The following CEPT1 variants were observed in gnomAD, a reference collection of about 807,000 sequenced individuals.
The protein encoded by CEPT1 is choline/ethanolaminephosphotransferase 1.
In CEPT1, 7 loss-of-function variants were observed where a neutral mutation model predicts 42.6. The observed-to-expected ratio is 0.16, with a 90% confidence interval of 0.09 to 0.31. CEPT1 has a LOEUF of 0.31. Ranked by LOEUF, CEPT1 falls within the 10% of genes least tolerant of loss-of-function variation. CEPT1 has a pLI of 1.00. For synonymous variants in CEPT1, 171 were observed against 171.9 expected (o/e 0.99, Z 0.04); for missense variants, 306 against 502.1 (o/e 0.61, Z 3.73).
At chr1:111,145,935 G>C (rs984835605) in intron 1 of CEPT1, among the ~76,000 whole-genome samples, 2 of 152,170 alleles carry the variant, frequency 1.3e-5, no homozygotes, top group African/African-American at 2.4e-5. Context: ...GGACAACTGA[G>C]CATGTTTTGA....
intron 3 of CEPT1, chr1:111,160,677 T>C (rs992917963): frequency 1.3e-5 from 2 of 153,044 alleles, no homozygotes; most frequent in Non-Finnish European, 2.9e-5. Context: ...ATTTTTGCGT[T>C]GTAGTTTGAG....
chr1:111,183,042 A>C (rs1451239133), intron 7 of CEPT1, 85 bp downstream of exon 7: 9 of 1,365,016 alleles, frequency 6.6e-6, no homozygotes, highest in Non-Finnish European at 9.1e-6. Flanking sequence ...CTGTAGCTTC[A>C]TAAATGGTCC....
At chr1:111,147,241 T>C (rs145528597) in intron 1 of CEPT1, among the ~76,000 whole-genome samples, 247 of 152,356 alleles carry the variant, frequency 1.6e-3, no homozygotes, top group African/African-American at 5.6e-3. Context: ...TTAAGACTCA[T>C]TGAAGTCATT....
At chr1:111,181,045 T>A (rs1013200662) in intron 5 of CEPT1, 1 of 152,122 alleles carries the variant, frequency 6.6e-6, no homozygotes, top group Non-Finnish European at 1.5e-5. Context: ...ATGCCTGTAA[T>A]CCCAGCTACT....
chr1:111,160,355 T>G (rs185308726), intron 3 of CEPT1: 1 of 152,372 alleles, frequency 6.6e-6, no homozygotes, highest in East Asian at 1.9e-4. Flanking sequence ...TTCTCAATTA[T>G]TTTCTTGTTT....
At chr1:111,181,902 T>C (rs1436493540) in intron 5 of CEPT1, 3 of 211,872 alleles carry the variant, frequency 1.4e-5, no homozygotes, top group African/African-American at 2.4e-5. Flanking sequence ...TGGGATGCAT[T>C]AGGTGAATCT....
At chr1:111,146,793 T>C (rs1654990707) in intron 1 of CEPT1, among the ~76,000 whole-genome samples, 1 of 152,210 alleles carries the variant, frequency 6.6e-6, no homozygotes, top group African/African-American at 2.4e-5. Context: ...AACCCACTTT[T>C]ACTTTTTTTC....
At chr1:111,173,724 T>C (rs1360554170) in intron 4 of CEPT1, among the ~76,000 whole-genome samples, 1 of 152,220 alleles carries the variant, frequency 6.6e-6, no homozygotes, top group East Asian at 1.9e-4. Context: ...GTAATGTGTC[T>C]TTCCAGAAAT....
At chr1:111,174,856 T>TG (rs754463006) in intron 4 of CEPT1, 23 bp from the exon 5 acceptor site, 1 of 1,484,178 alleles carries the variant, frequency 6.7e-7, no homozygotes, top group Admixed American at 1.7e-5. Context: ...ATTCTGCTCT[T>TG]TTGGCTTTTT....
chr1:111,155,924 A>T (rs564031715), intron 2 of CEPT1, among the ~76,000 whole-genome samples: 11 of 151,914 alleles, frequency 7.2e-5, no homozygotes, highest in Admixed American at 2.0e-4. Flanking sequence ...TTTAGCTCTG[A>T]TCTTTATTTC....
At chr1:111,173,610 T>G (rs1004164805) in intron 4 of CEPT1, among the ~76,000 whole-genome samples, 1 of 152,176 alleles carries the variant, frequency 6.6e-6, no homozygotes, top group Non-Finnish European at 1.5e-5. Flanking sequence ...GTTGAAAAAC[T>G]AGCATTATAA....
intron 2 of CEPT1, among the ~76,000 whole-genome samples, chr1:111,154,815 CT>C (rs1308314888): frequency 4.6e-5 from 7 of 152,148 alleles, no homozygotes; most frequent in Admixed American, 2.0e-4. Flanking sequence ...TTGGACCATC[CT>C]TGCATCCCTG....
chr1:111,171,750 A>G lies in CEPT1; in HGVS notation c.630-3129A>G, dbSNP rs61334990. ...GAAATAGGAAATTATTTATTTATTT[A>G]TTTTTGAGACAGAGTTTTGCTCTTG... On this transcript the variant is annotated intron_variant, in intron 4 of 8. Coordinates refer to ENST00000357172, the MANE Select transcript of CEPT1 (RefSeq NM_006090.5). 4.2e-3 allele frequency among the ~76,000 whole-genome samples: 633 copies of G among 152,298 alleles called. 7 individuals carry two copies. Among genetic ancestry groups the G allele is most frequent in the African/African-American group, 0.014 (600 of 41,562 alleles).
rs772504965 is a variant in CEPT1, at chr1:111,184,371, G to A, written c.*61G>A. On this transcript the variant is annotated 3_prime_UTR_variant, in exon 9 of 9. Transcript: ENST00000357172. ...GCAGGAAAGAAAGTAACATATTAAG[G>A]AGAATGGGGGTGGATAAGAACAAAT... is the stretch of plus-strand genomic sequence containing the variant. 1.8e-5 allele frequency: 24 copies of A among 1,303,554 alleles called. No individual in the cohort carries two copies. The highest frequency in any genetic ancestry group is 2.6e-5 in the Non-Finnish European group (24 of 925,896). The allele number at this position is 1,303,554 out of a possible 1,614,324, so 80.7% of individuals were successfully genotyped here.
chr1:111,164,020 GGTT>G (rs556169265), intron 4 of CEPT1, among the ~76,000 whole-genome samples: 126 of 152,046 alleles, frequency 8.3e-4, no homozygotes, highest in African/African-American at 3.0e-3. Context: ...TTATAATTTA[GGTT>G]GTTATACTTT....
chr1:111,161,025 C>A, intron 3 of CEPT1, 130 bp from the exon 4 acceptor site: 2 of 868,008 alleles, frequency 2.3e-6, no homozygotes, highest in South Asian at 1.5e-5. Context: ...TCCTACTTTT[C>A]TGTTACAATA....
chr1:111,178,951 AC>A (rs988314079), intron 5 of CEPT1: 15 of 152,206 alleles, frequency 9.9e-5, no homozygotes, highest in African/African-American at 3.6e-4. Flanking sequence ...AATTATGTTA[AC>A]ATTTGCTGTA....
intron 2 of CEPT1, among the ~76,000 whole-genome samples, chr1:111,156,193 T>C (rs1655561217): frequency 1.3e-5 from 2 of 152,236 alleles, no homozygotes; most frequent in South Asian, 2.1e-4. Flanking sequence ...AATTTTCATG[T>C]ATTTGTACAG....
chr1:111,178,749 A>G (rs1377880356), intron 5 of CEPT1: 2 of 152,076 alleles, frequency 1.3e-5, no homozygotes, highest in Non-Finnish European at 2.9e-5. Flanking sequence ...GCCATAAGGG[A>G]CTTTCTGGAA....
Sources: allele counts gnomAD v4.1 joint callset (sites outside exome capture counted in the v4.1 genomes callset), GRCh38; gene constraint gnomAD v4.1.1; transcripts MANE v1.5; gene names NCBI Gene and HGNC (gene_info 2026-07-23, HGNC 2026-07-21).